EAPP: variants seen among roughly 807,000 people sequenced by gnomAD.
EAPP encodes the protein E2F associated phosphoprotein.
In EAPP, 38 loss-of-function variants were observed where a neutral mutation model predicts 34.3. The observed-to-expected ratio is 1.11, with a 90% CI of 0.85 to 1.45. EAPP has a LOEUF of 1.45. Among genes scored for constraint, EAPP ranks in the 40% most tolerant of loss-of-function variants. The pLI is 0.00. For missense variants in EAPP, 338 were observed against 343.7 expected, an observed-to-expected ratio of 0.98 and a Z score of 0.13; for synonymous variants, 113 against 117.6, an observed-to-expected ratio of 0.96 and a Z score of 0.25.
chr14:34,526,036 A>G (rs2138892674), intron 4 of EAPP, among the ~76,000 whole-genome samples: 1 of 151,940 alleles, frequency 6.6e-6, no homozygotes, highest in South Asian at 2.1e-4. Context: ...AATAAAAAAT[A>G]AAAAAAATAA....
chr14:34,524,653 A>ATGTGTGTGTGGG, intron 5 of EAPP, 44 bp downstream of exon 5: 1 of 874,608 alleles, frequency 1.1e-6, no homozygotes, highest in Non-Finnish European at 1.7e-6. Context: ...TAAACAAAAT[A>ATGTGTGTGTGGG]TGTATGTGTG....
chr14:34,536,952 A>C (rs1260610853), intron 1 of EAPP, among the ~76,000 whole-genome samples: 1 of 152,100 alleles, frequency 6.6e-6, no homozygotes, highest in Non-Finnish European at 1.5e-5. Context: ...GTATGTTAAC[A>C]CTGGAGGAAA....
chr14:34,522,113 G>A (rs1424715920), intron 5 of EAPP, among the ~76,000 whole-genome samples: 1 of 151,964 alleles, frequency 6.6e-6, no homozygotes, highest in African/African-American at 2.4e-5. Context: ...CGTATGCCAA[G>A]ACACCAACTA....
intron 5 of EAPP, among the ~76,000 whole-genome samples, chr14:34,517,945 T>C (rs1472683578): frequency 1.3e-5 from 2 of 152,074 alleles, no homozygotes; most frequent in South Asian, 4.2e-4. Context: ...TGGCTCATTT[T>C]TGTATTTTTA....
At chr14:34,519,546 A>G (rs1879844987) in intron 5 of EAPP, among the ~76,000 whole-genome samples, 1 of 152,014 alleles carries the variant, frequency 6.6e-6, no homozygotes, top group Admixed American at 6.6e-5. Flanking sequence ...AAAAAAAAAA[A>G]AAGTTTCCTG....
At chr14:34,538,199 G>A (rs1026425724) in intron 1 of EAPP, among the ~76,000 whole-genome samples, 1 of 152,074 alleles carries the variant, frequency 6.6e-6, no homozygotes, top group African/African-American at 2.4e-5. Context: ...CCAACGTGGT[G>A]AAAACCCATC....
intron 4 of EAPP, among the ~76,000 whole-genome samples, chr14:34,526,708 C>A (rs1442636730): frequency 1.3e-5 from 2 of 151,242 alleles, no homozygotes; most frequent in African/African-American, 4.9e-5. Flanking sequence ...GGCAACATAG[C>A]AAGACCTTGT....
intron 5 of EAPP, among the ~76,000 whole-genome samples, chr14:34,519,528 C>T (rs959179871): frequency 4.7e-5 from 7 of 150,430 alleles, no homozygotes; most frequent in African/African-American, 9.8e-5. Flanking sequence ...AGCAAGACTC[C>T]CTCTCAAAAA....
rs1880040211 is a variant in EAPP at position 34,524,730 on chromosome 14, G to A, written c.548C>T (p.Ala183Val). ...ATCAAGGCAAAGTGTGGTCATGCAG[G>A]CAGGACAATTCAAGACAGCATCACT... ...PNSDAVLNCP[A>V]CMTTLCLDCQ... is the part of the protein sequence containing the mutation. Residue 183 changes from alanine (A) to valine (V), a missense_variant, in exon 5 of 6, where the codon GCC (alanine) becomes GTC (valine). By Grantham distance (64) the Ala-to-Val change is moderately conservative. Coordinates refer to ENST00000250454, the MANE Select transcript of EAPP (RefSeq NM_018453.4). The A allele has an allele frequency of 6.2e-7, 1 of 1,612,518 alleles. No homozygotes were observed. Among genetic ancestry groups the A allele is most frequent in the Non-Finnish European group, 8.5e-7 (1 of 1,179,604 alleles).
intron 3 of EAPP, 58 bp from the exon 4 acceptor site, chr14:34,529,533 T>A: frequency 8.4e-7 from 1 of 1,193,402 alleles, no homozygotes; most frequent in Non-Finnish European, 1.2e-6. Context: ...CACACTTCTT[T>A]AAATGAAGAG....
chr14:34,538,944 T>C (rs1341502729), intron 1 of EAPP, among the ~76,000 whole-genome samples: 2 of 152,184 alleles, frequency 1.3e-5, no homozygotes, highest in Non-Finnish European at 2.9e-5. Flanking sequence ...TACAATGCTC[T>C]GCCAAGAAAT....
chr14:34,526,743 C>CA (rs1880108817), intron 4 of EAPP, among the ~76,000 whole-genome samples: 1 of 150,386 alleles, frequency 6.6e-6, no homozygotes, highest in Admixed American at 6.7e-5. Flanking sequence ...AAATTAGAAA[C>CA]AAAAAAAACA....
intron 1 of EAPP, among the ~76,000 whole-genome samples, chr14:34,537,692 G>A (rs942033935): frequency 2.6e-5 from 4 of 152,166 alleles, no homozygotes; most frequent in Non-Finnish European, 4.4e-5. Flanking sequence ...CTTTAGCCAC[G>A]ATGCCAACCC....
At chr14:34,532,450 G>A (rs1252895665) in intron 3 of EAPP, among the ~76,000 whole-genome samples, 3 of 143,730 alleles carry the variant, frequency 2.1e-5, no homozygotes, top group East Asian at 4.2e-4. Flanking sequence ...CAACAAGAGC[G>A]AAACTCCATC....
intron 1 of EAPP, 63 bp downstream of exon 1, chr14:34,539,492 G>A (rs762334942): frequency 2.8e-5 from 44 of 1,544,242 alleles, no homozygotes; most frequent in Non-Finnish European, 3.6e-5. Context: ...CGCAACGAAT[G>A]GAGGCGACCA....
intron 5 of EAPP, among the ~76,000 whole-genome samples, chr14:34,522,974 A>G (rs746444745): frequency 2.0e-5 from 3 of 152,178 alleles, no homozygotes; most frequent in Non-Finnish European, 2.9e-5. Context: ...TAATGTAAAA[A>G]TCATGAGCTC....
intron 3 of EAPP, 31 bp downstream of exon 3, chr14:34,533,413 A>G: frequency 1.3e-6 from 2 of 1,520,630 alleles, no homozygotes; most frequent in Non-Finnish European, 1.8e-6. Flanking sequence ...TATAAAATAT[A>G]ACTGCTAAAC....
intron 5 of EAPP, among the ~76,000 whole-genome samples, chr14:34,521,410 T>C (rs1463180844): frequency 6.6e-6 from 1 of 152,118 alleles, no homozygotes; most frequent in Non-Finnish European, 1.5e-5. Flanking sequence ...TACTCCTTGC[T>C]TTTGCTCTAC....
At chr14:34,522,873 T>C (rs190174955) in intron 5 of EAPP, among the ~76,000 whole-genome samples, 28 of 152,278 alleles carry the variant, frequency 1.8e-4, no homozygotes, top group Admixed American at 1.5e-3. Flanking sequence ...GCACTCTCAG[T>C]GCTTCCTATG....
Sources: allele counts gnomAD v4.1 joint callset (sites outside exome capture counted in the v4.1 genomes callset), GRCh38; gene constraint gnomAD v4.1.1; transcripts MANE v1.5; gene names NCBI Gene and HGNC (gene_info 2026-07-23, HGNC 2026-07-21).